Variants in PTPRG observed in about 807,000 individuals in gnomAD.
PTPRG encodes protein tyrosine phosphatase receptor type G.
In PTPRG, 102 loss-of-function variants were observed where a neutral mutation model predicts 165.3. The observed-to-expected ratio is 0.62, with a 90% CI of 0.53 to 0.73. The LOEUF is 0.73. PTPRG is among the 30% of genes least tolerant of loss of function. PTPRG has a pLI of 0.00. For missense variants in PTPRG, 1,866 were observed against 1,861.4 expected (o/e 1.00, Z -0.05); for synonymous variants, 675 against 669.5 (o/e 1.01, Z -0.13).
chr3:62,020,385 C>G (rs1375340483), intron 4 of PTPRG, among the ~76,000 whole-genome samples: 1 of 152,012 alleles, frequency 6.6e-6, no homozygotes, highest in African/African-American at 2.4e-5. Flanking sequence ...TTTTTGTAAG[C>G]TAGAACAAGT....
At position 61,672,623 on chromosome 3, in the gene PTPRG, G is replaced by T. The variant is rs964829952; in HGVS notation, c.86-76255G>T. On this transcript the variant is annotated intron_variant, in intron 1 of 29. Coordinates refer to ENST00000474889, the MANE Select transcript of PTPRG (RefSeq NM_002841.4). ...AATTGCAGGCACTCGGCAGGCTGAG[G>T]CAGGAGAATCAGGCAGGGAGGTTGC... Among the ~76,000 whole-genome samples the T allele has an allele frequency of 2.6e-3, 396 of 151,342 alleles. 3 individuals are homozygous for T. Among genetic ancestry groups the T allele is most frequent in the African/African-American group, 8.9e-3 (368 of 41,296 alleles).
chr3:61,986,230 A>G lies in PTPRG; in HGVS notation c.191-3395A>G, dbSNP rs536752142. 3.8e-4 allele frequency among the ~76,000 whole-genome samples: 57 copies of G among 151,390 alleles called. 1 individual carries two copies. Among genetic ancestry groups the G allele is most frequent in the East Asian group, 1.3e-3 (7 of 5,186 alleles). ...AATTCATTCATTTGTACCTAAAAAT[A>G]TGTTTTAAGGGCTTACTGTATGTGA... is the stretch of plus-strand genomic sequence containing the variant. On this transcript the variant is annotated intron_variant, in intron 2 of 29. Coordinates refer to ENST00000474889, the MANE Select transcript of PTPRG (RefSeq NM_002841.4).
intron 4 of PTPRG, among the ~76,000 whole-genome samples, chr3:62,021,933 C>T (rs1414516853): frequency 6.7e-6 from 1 of 149,592 alleles, no homozygotes; most frequent in African/African-American, 2.5e-5. Flanking sequence ...TTTCCCTTCC[C>T]CCTCAAAAAA....
Position 62,030,809 on chromosome 3 carries a change from A to G in PTPRG, c.519+27312A>G, listed in dbSNP as rs529181901. 1.6e-4 allele frequency among the ~76,000 whole-genome samples: 25 copies of G among 152,358 alleles called. 1 individual carries two copies. The South Asian group carries it at 4.1e-3, about 25-fold the overall frequency. ...AAACTGAACAAAACAAGGAATTGTC[A>G]TTGAATTCATTTGGGATGAAGGCTG... On this transcript the variant is annotated intron_variant, in intron 4 of 29. Coordinates refer to ENST00000474889, the MANE Select transcript of PTPRG (RefSeq NM_002841.4).
At chr3:62,211,637 G>A (rs1240679476) in intron 12 of PTPRG, among the ~76,000 whole-genome samples, 1 of 152,114 alleles carries the variant, frequency 6.6e-6, no homozygotes, top group Admixed American at 6.6e-5. Flanking sequence ...AAATTTATAA[G>A]TATGCATATC....
At chr3:61,903,094 A>T (rs2038539452) in intron 2 of PTPRG, among the ~76,000 whole-genome samples, 2 of 152,106 alleles carry the variant, frequency 1.3e-5, no homozygotes, top group Admixed American at 6.5e-5. Flanking sequence ...GTCTAAGCTG[A>T]TGGCATACCT....
rs531789242 is a variant in PTPRG at position 61,653,330 on chromosome 3, T to C, written c.85+90958T>C. Among the ~76,000 whole-genome samples the C allele has an allele frequency of 3.9e-4, 59 of 152,304 alleles. 1 individual carries two copies. Among genetic ancestry groups the C allele is most frequent in the Middle Eastern group, 6.8e-3 (2 of 294 alleles). On this transcript the variant is annotated intron_variant, in intron 1 of 29. Transcript: ENST00000474889. ...TCTTTAAATTATCCCCCTTTTTTTT[T>C]CCAGCATGGTTCATAATGGGTGGCA...
chr3:62,286,952 T>C (rs11712908), intron 28 of PTPRG, among the ~76,000 whole-genome samples: 46,910 of 151,966 alleles, frequency 0.31, 7,496 homozygotes, highest in East Asian at 0.34. Flanking sequence ...TTTAAAAGTA[T>C]CTGTGCATTT....
At chr3:62,260,704 G>A (rs1303568252) in intron 16 of PTPRG, among the ~76,000 whole-genome samples, 2 of 151,988 alleles carry the variant, frequency 1.3e-5, no homozygotes, top group Admixed American at 1.3e-4. Context: ...CTAAAATCCT[G>A]TTAACTTTGA....
Position 62,195,514 on chromosome 3 carries a change from C to G in PTPRG, c.1327+344C>G, listed in dbSNP as rs961008013. 3.3e-5 allele frequency among the ~76,000 whole-genome samples: 5 copies of G among 152,306 alleles called. No individual in the cohort carries two copies. The highest frequency in any genetic ancestry group is 2.0e-4 in the Admixed American group (3 of 15,296). On this transcript the variant is annotated intron_variant, in intron 10 of 29. Transcript: ENST00000474889. The surrounding 1 kb of genome is among the most constrained non-coding windows in gnomAD (Gnocchi z 4.4). Reference sequence around the variant, plus strand: ...TTGTACCGCTGAATATCCTCTTTGTCTTTCTAACGTGATTCAGTTAGCTGT... The same window carrying G: ...TTGTACCGCTGAATATCCTCTTTGTGTTTCTAACGTGATTCAGTTAGCTGT...
chr3:62,129,592 T>A (rs1703440263), intron 5 of PTPRG, among the ~76,000 whole-genome samples: 1 of 152,116 alleles, frequency 6.6e-6, no homozygotes, highest in Non-Finnish European at 1.5e-5. Context: ...CCAAACTCAC[T>A]TTTATAACAA....
rs117804429 is a variant in PTPRG, at chr3:62,110,564, G to A, written c.616-22038G>A. Among the ~76,000 whole-genome samples the A allele has an allele frequency of 4.6e-5, 7 of 151,362 alleles. No homozygotes were observed. The East Asian group carries it at 9.7e-4, about 21-fold the overall frequency. ...TAAAAAAAAAAAAAAGGAATGATAC[G>A]CTCTACCTTGCAAGTTTTTCAGAGA... On this transcript the variant is annotated intron_variant, in intron 5 of 29. Transcript: ENST00000474889.
At chr3:61,729,224 A>G (rs1423513473) in intron 1 of PTPRG, among the ~76,000 whole-genome samples, 1 of 152,104 alleles carries the variant, frequency 6.6e-6, no homozygotes, top group Admixed American at 6.5e-5. Context: ...AGGGGAGAAC[A>G]TTTGCACTAA....
intron 1 of PTPRG, among the ~76,000 whole-genome samples, chr3:61,632,318 TACACACACAC>T (rs3032571): frequency 6.8e-6 from 1 of 147,572 alleles, no homozygotes; most frequent in Non-Finnish European, 1.5e-5. Flanking sequence ...CACACGCACA[TACACACACAC>T]ACACACACAA....
chr3:61,951,003 G>A (rs2039886876), intron 2 of PTPRG, among the ~76,000 whole-genome samples: 1 of 152,128 alleles, frequency 6.6e-6, no homozygotes, highest in Admixed American at 6.6e-5. Context: ...TTGGCTCTGT[G>A]GAATTTTCAT....
chr3:62,234,499 A>T (rs763174350), intron 14 of PTPRG, among the ~76,000 whole-genome samples: 1 of 151,696 alleles, frequency 6.6e-6, no homozygotes, highest in Non-Finnish European at 1.5e-5. Context: ...TGCATTGTCA[A>T]ACTTTGGCCT....
intron 5 of PTPRG, among the ~76,000 whole-genome samples, chr3:62,097,284 T>C (rs1335073268): frequency 2.0e-5 from 3 of 152,216 alleles, no homozygotes; most frequent in African/African-American, 7.2e-5. Flanking sequence ...AGTGAGAATG[T>C]GACTCCTATT....
chr3:61,732,759 A>AATCT, intron 1 of PTPRG, among the ~76,000 whole-genome samples: 2 of 134,874 alleles, frequency 1.5e-5, no homozygotes, highest in East Asian at 2.2e-4. Context: ...TAAATAAATA[A>AATCT]ATCTTGCATT....
chr3:61,664,809 C>T (rs1702761427), intron 1 of PTPRG, among the ~76,000 whole-genome samples: 1 of 151,554 alleles, frequency 6.6e-6, no homozygotes, highest in Admixed American at 6.6e-5. Context: ...CCAGCCTGGG[C>T]GACAGAGCCA....
Sources: gnomAD v4.1 joint callset for allele counts (sites outside exome capture counted in the v4.1 genomes callset) on GRCh38, gnomAD v4.1.1 for gene constraint, Gnocchi (gnomAD v3.1) non-coding constraint, MANE v1.5 for transcripts, NCBI Gene and HGNC (gene_info 2026-07-23, HGNC 2026-07-21) for gene names.